EIF3E: variants seen among roughly 807,000 people sequenced by gnomAD.
EIF3E encodes the protein eukaryotic translation initiation factor 3 subunit E.
EIF3E carries 25 observed loss-of-function variants against 59.3 expected under a neutral mutation model. The ratio of observed to expected loss-of-function variants is 0.42; its 90% CI spans 0.31 to 0.59. The LOEUF is 0.59. EIF3E is among the 20% of genes least tolerant of loss of function. The pLI is 0.15. For missense variants in EIF3E, 317 were observed against 534.3 expected, an observed-to-expected ratio of 0.59 and a Z score of 4.01; for synonymous variants, 176 against 170.2, an observed-to-expected ratio of 1.03 and a Z score of -0.26.
chr8:108,238,258 A>G (rs1815772095), intron 3 of EIF3E, among the ~76,000 whole-genome samples: 1 of 152,206 alleles, frequency 6.6e-6, no homozygotes, highest in African/African-American at 2.4e-5. Context: ...ATGTGTGTAT[A>G]TATCTCTGTG....
At chr8:108,203,321 T>C in intron 11 of EIF3E, 80 bp downstream of exon 11, 1 of 1,344,976 alleles carries the variant, frequency 7.4e-7, no homozygotes, top group Non-Finnish European at 1.0e-6. Flanking sequence ...TTAAAGGAGG[T>C]AATAAAATGT....
intron 7 of EIF3E, among the ~76,000 whole-genome samples, chr8:108,218,782 CTTT>C (rs35642365): frequency 9.0e-6 from 1 of 111,156 alleles, no homozygotes; most frequent in Non-Finnish European, 1.8e-5. Flanking sequence ...TATTTTATTT[CTTT>C]TTTTTTTTTT....
intron 5 of EIF3E, 114 bp downstream of exon 5, chr8:108,234,884 C>A (rs1254690367): frequency 3.9e-6 from 2 of 512,408 alleles, no homozygotes; most frequent in Non-Finnish European, 3.1e-6. Flanking sequence ...TTGCCAATGA[C>A]TGTTGAAAAC....
intron 4 of EIF3E, 53 bp from the exon 5 acceptor site, chr8:108,235,155 C>A: frequency 8.7e-7 from 1 of 1,144,686 alleles, no homozygotes; most frequent in South Asian, 1.9e-5. Context: ...TTTTAAAACC[C>A]CATTGTAATT....
At chr8:108,209,037 AC>A (rs1815158599) in intron 10 of EIF3E, among the ~76,000 whole-genome samples, 1 of 152,150 alleles carries the variant, frequency 6.6e-6, no homozygotes, top group Non-Finnish European at 1.5e-5. Context: ...GCTGACTATC[AC>A]ATGTGCTTAC....
chr8:108,206,807 T>TA lies in EIF3E; in HGVS notation c.1062-3305dup, dbSNP rs940123557. 5.3e-5 allele frequency among the ~76,000 whole-genome samples: 8 copies of TA among 151,726 alleles called. No homozygotes were observed. In the South Asian group the frequency reaches 6.2e-4, roughly 12 times the overall value. ...GACAGAACAAGATCCTGTGTCTTTA[T>TA]AAAAAAAAATTCCATCTTATGTAAT... On this transcript the variant is annotated intron_variant, in intron 10 of 12. Coordinates refer to ENST00000220849, the MANE Select transcript of EIF3E (RefSeq NM_001568.3).
chr8:108,210,263 G>A (rs1357264842), intron 10 of EIF3E, among the ~76,000 whole-genome samples: 2 of 152,046 alleles, frequency 1.3e-5, no homozygotes, highest in Non-Finnish European at 2.9e-5. Flanking sequence ...ATTCCCCAAG[G>A]CTGACTGCAA....
chr8:108,205,241 C>T (rs1815077824), intron 10 of EIF3E, among the ~76,000 whole-genome samples: 1 of 152,032 alleles, frequency 6.6e-6, no homozygotes, highest in South Asian at 2.1e-4. Context: ...CAAGGTAGAC[C>T]GTATACATGT....
chr8:108,214,056 T>C (rs1815259531), intron 10 of EIF3E, among the ~76,000 whole-genome samples: 1 of 152,244 alleles, frequency 6.6e-6, no homozygotes, highest in Non-Finnish European at 1.5e-5. Context: ...ATAGGTTATG[T>C]ACATTTCACA....
At chr8:108,212,018 A>C (rs183649171) in intron 10 of EIF3E, among the ~76,000 whole-genome samples, 1 of 152,244 alleles carries the variant, frequency 6.6e-6, no homozygotes, top group East Asian at 1.9e-4. Context: ...AGTGAGGTAC[A>C]GTACAATGAA....
intron 3 of EIF3E, among the ~76,000 whole-genome samples, chr8:108,238,079 CTT>C (rs1040209897): frequency 3.9e-5 from 6 of 152,302 alleles, no homozygotes; most frequent in Admixed American, 3.3e-4. Context: ...ACTTCCCAGT[CTT>C]TGAGTGACTA....
At chr8:108,210,455 A>G (rs1815184777) in intron 10 of EIF3E, among the ~76,000 whole-genome samples, 1 of 152,218 alleles carries the variant, frequency 6.6e-6, no homozygotes, top group South Asian at 2.1e-4. Context: ...AAGAACAAGT[A>G]CTTTTTTTCC....
At chr8:108,237,189 A>T (rs1815749373) in intron 3 of EIF3E, among the ~76,000 whole-genome samples, 1 of 151,802 alleles carries the variant, frequency 6.6e-6, no homozygotes, top group Non-Finnish European at 1.5e-5. Context: ...ACAAACTAAT[A>T]ATAAAGAAAG....
At chr8:108,236,444 G>A (rs539028063) in intron 3 of EIF3E, among the ~76,000 whole-genome samples, 1 of 152,276 alleles carries the variant, frequency 6.6e-6, no homozygotes, top group East Asian at 1.9e-4. Context: ...AAATTAGTGT[G>A]TTTCACCACA....
chr8:108,205,453 A>T (rs980465155), intron 10 of EIF3E, among the ~76,000 whole-genome samples: 6 of 152,096 alleles, frequency 3.9e-5, no homozygotes, highest in African/African-American at 1.4e-4. Context: ...TCTATCTTAC[A>T]CATCTGCCAG....
In EIF3E at chr8:108,202,223, T is replaced by A. The variant is rs10108978; in HGVS notation, c.1300-300A>T. 4.1e-3 allele frequency among the ~76,000 whole-genome samples: 631 copies of A among 152,248 alleles called. 4 individuals are homozygous for A. The highest frequency in any genetic ancestry group is 0.014 in the African/African-American group (601 of 41,566). On this transcript the variant is annotated intron_variant, in intron 12 of 12. Coordinates refer to ENST00000220849, the MANE Select transcript of EIF3E (RefSeq NM_001568.3). ...AAAGCATACAGAAAAAAACATCATA[T>A]GAAAGTTACTTTCTAGGCTCAGTTA...
intron 2 of EIF3E, among the ~76,000 whole-genome samples, chr8:108,241,069 CA>C (rs1245811896): frequency 6.6e-6 from 1 of 152,004 alleles, no homozygotes; most frequent in Non-Finnish European, 1.5e-5. Context: ...CAGGGAACTA[CA>C]AGTCAAACAT....
intron 10 of EIF3E, among the ~76,000 whole-genome samples, chr8:108,206,776 T>C (rs1301891030): frequency 2.6e-5 from 4 of 152,112 alleles, no homozygotes; most frequent in Non-Finnish European, 4.4e-5. Flanking sequence ...GTACTCCAGC[T>C]TGGGTGACAG....
chr8:108,218,038 TG>T (rs1475119147), intron 7 of EIF3E, among the ~76,000 whole-genome samples: 1 of 152,232 alleles, frequency 6.6e-6, no homozygotes, highest in African/African-American at 2.4e-5. Context: ...GCTGTTGTGA[TG>T]ATCAACATGG....
Sources: allele counts gnomAD v4.1 joint callset (sites outside exome capture counted in the v4.1 genomes callset), GRCh38; gene constraint gnomAD v4.1.1; transcripts MANE v1.5; gene names NCBI Gene and HGNC (gene_info 2026-07-23, HGNC 2026-07-21).